ANKRD30B: variants seen among roughly 807,000 people sequenced by gnomAD.
ANKRD30B encodes ankyrin repeat domain 30B.
ANKRD30B carries 144 observed loss-of-function variants against 202.2 expected under a neutral mutation model. That is an observed-to-expected ratio of 0.71 (90% confidence interval 0.62 to 0.82). The LOEUF is 0.82. Ranked by LOEUF, ANKRD30B falls within the 40% of genes least tolerant of loss-of-function variation. ANKRD30B has a pLI of 0.00. For synonymous variants in ANKRD30B, 508 were observed against 561.3 expected, an observed-to-expected ratio of 0.91 and a Z score of 1.34; for missense variants, 1,487 against 1,669.1, an observed-to-expected ratio of 0.89 and a Z score of 1.90.
chr18:14,866,148 C>G, the ANKRD30B span, among the ~76,000 whole-genome samples: 2 of 152,262 alleles, frequency 1.3e-5, no homozygotes, highest in Admixed American at 1.3e-4. Flanking sequence ...TGCGTAACCC[C>G]ACGTGCATGC....
chr18:14,758,380 G>T (rs1401479939), intron 5 of ANKRD30B, among the ~76,000 whole-genome samples: 1 of 152,110 alleles, frequency 6.6e-6, no homozygotes, highest in Non-Finnish European at 1.5e-5. Flanking sequence ...GGGGGGACAC[G>T]GCCATTCTCT....
At chr18:14,835,946 T>A (rs1971155009) in intron 34 of ANKRD30B, among the ~76,000 whole-genome samples, 1 of 151,966 alleles carries the variant, frequency 6.6e-6, no homozygotes, top group Non-Finnish European at 1.5e-5. Context: ...TTGCAAAAAA[T>A]ATTTCAGAAA....
At chr18:14,793,893 A>G (rs1968695170) in intron 16 of ANKRD30B, among the ~76,000 whole-genome samples, 1 of 150,140 alleles carries the variant, frequency 6.7e-6, no homozygotes, top group Non-Finnish European at 1.5e-5. Flanking sequence ...GACACCGACA[A>G]AAGAAAAAAA....
downstream of ANKRD30B, among the ~76,000 whole-genome samples, chr18:14,858,765 C>T (rs1229232995): frequency 7.5e-6 from 1 of 132,686 alleles, no homozygotes; most frequent in African/African-American, 2.8e-5. Flanking sequence ...CCAGGGGGGG[C>T]AGCCAGGCAG....
At chr18:14,869,392 C>G in the ANKRD30B span, among the ~76,000 whole-genome samples, 2 of 151,054 alleles carry the variant, frequency 1.3e-5, no homozygotes, top group African/African-American at 2.4e-5. Flanking sequence ...TGTTGTATGA[C>G]AAGAAATATG....
the ANKRD30B span, among the ~76,000 whole-genome samples, chr18:14,894,352 T>C: frequency 5.9e-5 from 9 of 152,192 alleles, no homozygotes; most frequent in Non-Finnish European, 1.3e-4. Context: ...ACCAATAGCT[T>C]TGTGATTTTA....
chr18:14,916,869 TG>T, the ANKRD30B span, among the ~76,000 whole-genome samples: 2,327 of 152,260 alleles, frequency 0.015, 70 homozygotes, highest in African/African-American at 0.054. Flanking sequence ...CATTCCCACT[TG>T]GTAGTTGGAA....
intron 33 of ANKRD30B, chr18:14,830,269 A>C (rs377205340): frequency 1.9e-4 from 29 of 153,710 alleles, no homozygotes; most frequent in Admixed American, 1.4e-3. Flanking sequence ...AAATCCAACT[A>C]TCAGGACTCA....
chr18:14,832,471 T>C (rs1420251186), intron 34 of ANKRD30B, among the ~76,000 whole-genome samples: 3 of 152,160 alleles, frequency 2.0e-5, no homozygotes, highest in Non-Finnish European at 2.9e-5. Flanking sequence ...TTTGAAAATT[T>C]TAAATTTCAG....
In ANKRD30B at chr18:14,830,599, C is replaced by T. The variant is rs577445533; in HGVS notation, c.2775-784C>T. Among the ~76,000 whole-genome samples, 266 of 152,214 alleles carry T rather than the reference C, an allele frequency of 1.7e-3. 2 individuals are homozygous for T. Among genetic ancestry groups the T allele is most frequent in the Non-Finnish European group, 2.7e-3 (183 of 68,016 alleles). On this transcript the variant is annotated intron_variant, in intron 33 of 43. Coordinates refer to ENST00000690538, the MANE Select transcript of ANKRD30B (RefSeq NM_001367607.2). ...AACAAAGAATGTCATTTTCCAGTGA[C>T]ACAGATTAGTCTTTGAATCAGAGAT...
At chr18:14,905,529 C>T in the ANKRD30B span, 1 of 152,144 alleles carries the variant, frequency 6.6e-6, no homozygotes, top group African/African-American at 2.4e-5. Flanking sequence ...GTTATGGAAG[C>T]CAAGGTTCTT....
chr18:14,827,699 A>T (rs1348921450), intron 32 of ANKRD30B, among the ~76,000 whole-genome samples: 3 of 152,194 alleles, frequency 2.0e-5, no homozygotes, highest in Non-Finnish European at 4.4e-5. Context: ...AACTGCTTCT[A>T]GTCCATTTGT....
chr18:14,908,341 C>A, the ANKRD30B span, among the ~76,000 whole-genome samples: 1 of 152,186 alleles, frequency 6.6e-6, no homozygotes, highest in Non-Finnish European at 1.5e-5. Context: ...GATGCAACTC[C>A]CCTCCACAAA....
chr18:14,770,886 C>G (rs1291307311), intron 8 of ANKRD30B, among the ~76,000 whole-genome samples: 1 of 151,884 alleles, frequency 6.6e-6, no homozygotes, highest in Non-Finnish European at 1.5e-5. Context: ...GTTCTTTCAC[C>G]CCAAATCTCA....
intron 11 of ANKRD30B, among the ~76,000 whole-genome samples, chr18:14,780,795 T>C (rs1363523774): frequency 6.6e-6 from 1 of 152,228 alleles, no homozygotes; most frequent in Non-Finnish European, 1.5e-5. Flanking sequence ...TTGTCCAGTA[T>C]AGATCTGAAG....
At chr18:14,818,054 A>C (rs1226341245) in intron 30 of ANKRD30B, among the ~76,000 whole-genome samples, 1 of 152,166 alleles carries the variant, frequency 6.6e-6, no homozygotes, top group African/African-American at 2.4e-5. Context: ...TTGTACTGAG[A>C]AATAAAAAGT....
At chr18:14,797,606 G>A (rs1228129869) in intron 18 of ANKRD30B, 55 bp from the exon 19 acceptor site, 3 of 1,524,728 alleles carry the variant, frequency 2.0e-6, no homozygotes, top group East Asian at 4.5e-5. Context: ...ATGAACGTTT[G>A]GTAGGCTTTG....
At chr18:14,796,485 T>C (rs1968904930) in intron 18 of ANKRD30B, 70 bp downstream of exon 18, 1 of 1,455,242 alleles carries the variant, frequency 6.9e-7, no homozygotes, top group South Asian at 1.4e-5. Flanking sequence ...CGAGAGGCTT[T>C]TATTCCCAAT....
intron 6 of ANKRD30B, 39 bp downstream of exon 6, chr18:14,760,657 C>T (rs1479029377): frequency 6.4e-6 from 9 of 1,399,694 alleles, no homozygotes; most frequent in South Asian, 1.3e-5. Context: ...GATGGTGCTA[C>T]CATAAGATTA....
Sources: allele counts gnomAD v4.1 joint callset (sites outside exome capture counted in the v4.1 genomes callset), GRCh38; gene constraint gnomAD v4.1.1; transcripts MANE v1.5; gene names NCBI Gene and HGNC (gene_info 2026-07-23, HGNC 2026-07-21).